CEP295: variants seen among roughly 807,000 people sequenced by gnomAD.
The protein encoded by CEP295 is centrosomal protein 295.
In CEP295, 190 loss-of-function variants were observed where a neutral mutation model predicts 291.6. The ratio of observed to expected loss-of-function variants is 0.65; its 90% CI spans 0.58 to 0.73. The LOEUF (loss-of-function observed/expected upper bound fraction) is 0.73. Among genes scored for constraint, CEP295 ranks in the 30% least tolerant of loss-of-function variants. The pLI is 0.00. For missense variants in CEP295, 2,863 were observed against 2,949.4 expected (o/e 0.97, Z 0.68); for synonymous variants, 993 against 1,038.8 (o/e 0.96, Z 0.85).
rs1953974740 is a variant in CEP295 at position 93,724,252 on chromosome 11, A to G, written c.6197-2A>G. On this transcript the variant is annotated splice_acceptor_variant, in intron 21 of 29. Coordinates refer to ENST00000325212, the MANE Select transcript of CEP295 (RefSeq NM_033395.2). LOFTEE classifies it high-confidence loss of function. ...TTCTAACAGTTGACCTTGACTTTCC[A>G]GAATTGGAACACATTTTTCCTAATT... is the stretch of plus-strand genomic sequence containing the variant. 6.5e-7 allele frequency: 1 copy of G among 1,544,460 alleles called. No individual in the cohort carries two copies. The highest frequency in any genetic ancestry group is 8.7e-7 in the Non-Finnish European group (1 of 1,145,162).
At chr11:93,719,764 A>C (rs548633163) in intron 18 of CEP295, 2 of 152,328 alleles carry the variant, frequency 1.3e-5, no homozygotes, top group South Asian at 4.1e-4. Context: ...CATTTAAGAA[A>C]TATACCTTTA....
intron 24 of CEP295, chr11:93,728,476 T>C (rs1441278882): frequency 4.4e-6 from 2 of 451,422 alleles, no homozygotes; most frequent in Admixed American, 4.1e-5. Context: ...CTCCCCAAAG[T>C]AGGCTCCAGT....
At position 93,706,830 on chromosome 11, in the gene CEP295, T is replaced by C. The variant is rs1952542109; in HGVS notation, c.5682T>C (p.His1894=). The change falls in exon 18 of 30, where the codon CAT becomes CAC. Residue 1894 remains histidine (H), a synonymous_variant. Transcript: ENST00000325212. ...EQSFFGSPLA[H]DPFSCLQLVG... Reference sequence around the variant, plus strand: ...GTTTCTTTGGGAGCCCACTGGCCCATGATCCGTTTAGTTGTCTTCAACTGG... The same window carrying C: ...GTTTCTTTGGGAGCCCACTGGCCCACGATCCGTTTAGTTGTCTTCAACTGG... The C allele has an allele frequency of 6.4e-7, 1 of 1,550,696 alleles. No individual in the cohort carries two copies. Among genetic ancestry groups the C allele is most frequent in the East Asian group, 2.4e-5 (1 of 40,882 alleles).
intron 18 of CEP295, among the ~76,000 whole-genome samples, chr11:93,717,866 G>A (rs1953386167): frequency 2.0e-5 from 3 of 152,096 alleles, no homozygotes; most frequent in African/African-American, 7.2e-5. Context: ...ACCAGGGACG[G>A]CTTTTCTCTT....
intron 12 of CEP295, among the ~76,000 whole-genome samples, chr11:93,693,210 G>A (rs1951676934): frequency 6.6e-6 from 1 of 150,762 alleles, no homozygotes; most frequent in South Asian, 2.1e-4. Flanking sequence ...CCGGGAGACA[G>A]AGCTTGCAGT....
At chr11:93,661,935 C>T (rs1950005551) in intron 1 of CEP295, among the ~76,000 whole-genome samples, 161 bp downstream of exon 1, 1 of 152,208 alleles carries the variant, frequency 6.6e-6, no homozygotes, top group Non-Finnish European at 1.5e-5. Flanking sequence ...GGCCGTGGGC[C>T]CTGCCCGCGG....
chr11:93,673,952 C>CTTTTTTTTTTTTT (rs747193330), intron 5 of CEP295, among the ~76,000 whole-genome samples: 2 of 137,866 alleles, frequency 1.5e-5, no homozygotes, highest in Non-Finnish European at 1.6e-5. Context: ...ATCCCCCCTT[C>CTTTTTTTTTTTTT]TTTTTTTTTT....
At chr11:93,687,012 C>T (rs992123458) in intron 9 of CEP295, among the ~76,000 whole-genome samples, 1 of 152,108 alleles carries the variant, frequency 6.6e-6, no homozygotes, top group African/African-American at 2.4e-5. Context: ...GAGAACTGTT[C>T]GTATTATACT....
Position 93,698,212 on chromosome 11 carries a change from A to G in CEP295, c.3300A>G (p.Ser1100=), listed in dbSNP as rs776856261. Residue 1100 remains serine, a synonymous_variant, in exon 15 of 30, where the codon TCA becomes TCG. Coordinates refer to ENST00000325212, the MANE Select transcript of CEP295 (RefSeq NM_033395.2). ...GDSKSGLVSS[S]SSPVVVQHSV... ...GTAAGTCTGGGCTGGTGAGCTCTTC[A>G]TCCTCACCAGTGGTTGTTCAGCATT... The G allele has an allele frequency of 1.5e-5, 24 of 1,551,890 alleles. No individual in the cohort carries two copies. Among genetic ancestry groups the G allele is most frequent in the Non-Finnish European group, 2.1e-5 (24 of 1,146,994 alleles).
chr11:93,687,182 T>G (rs1951285488), intron 9 of CEP295, among the ~76,000 whole-genome samples: 1 of 152,198 alleles, frequency 6.6e-6, no homozygotes, highest in Admixed American at 6.5e-5. Flanking sequence ...AGCAGTTGAT[T>G]TGCTTTTATG....
At chr11:93,685,403 C>T (rs67182840) in intron 9 of CEP295, among the ~76,000 whole-genome samples, 13,408 of 152,208 alleles carry the variant, frequency 0.088, 718 homozygotes, top group East Asian at 0.25. Context: ...ACACCGTGAA[C>T]GTAGCCTTTT....
chr11:93,694,442 T>G (rs1410152650), intron 12 of CEP295, among the ~76,000 whole-genome samples: 1 of 152,236 alleles, frequency 6.6e-6, no homozygotes, highest in African/African-American at 2.4e-5. Flanking sequence ...AATCAGCGTA[T>G]AATTTTTTTT....
chr11:93,678,219 G>A (rs1041857643), intron 6 of CEP295, among the ~76,000 whole-genome samples: 2 of 151,970 alleles, frequency 1.3e-5, no homozygotes, highest in African/African-American at 4.8e-5. Context: ...AAACCTCATG[G>A]CTGAAATGGA....
chr11:93,701,936 G>C (rs1003071341), intron 15 of CEP295, among the ~76,000 whole-genome samples: 1 of 151,558 alleles, frequency 6.6e-6, no homozygotes, highest in Admixed American at 6.6e-5. Context: ...GCTGTGAATG[G>C]TTGTTGTTTT....
chr11:93,669,644 G>T, intron 4 of CEP295, 33 bp from the exon 5 acceptor site: 1 of 1,346,982 alleles, frequency 7.4e-7, no homozygotes, highest in South Asian at 1.3e-5. Flanking sequence ...TTATCACTGA[G>T]AGATTAATTG....
chr11:93,692,058 T>G, intron 12 of CEP295, 28 bp downstream of exon 12: 10 of 1,252,626 alleles, frequency 8.0e-6, no homozygotes, highest in Non-Finnish European at 1.1e-5. Context: ...TTTTAAAGGT[T>G]TATTTTTCCC....
chr11:93,703,416 A>G (rs1952301206), intron 17 of CEP295, among the ~76,000 whole-genome samples: 1 of 152,092 alleles, frequency 6.6e-6, no homozygotes, highest in Non-Finnish European at 1.5e-5. Context: ...GAAATGTGGC[A>G]TTGGTAATAA....
In CEP295 at chr11:93,728,015, T is replaced by A. The variant is rs138515169; in HGVS notation, c.7161+378T>A. 4.5e-3 allele frequency: 769 copies of A among 172,314 alleles called. 10 individuals carry two copies. Among genetic ancestry groups the A allele is most frequent in the African/African-American group, 0.017 (708 of 41,886 alleles). 10.7% of individuals were successfully genotyped at this position (172,314 alleles called of 1,614,324 possible). A position where few individuals can be genotyped will look rare whatever the true frequency, so the allele number is the denominator to read the frequency against. On this transcript the variant is annotated intron_variant, in intron 24 of 29. Coordinates refer to ENST00000325212, the MANE Select transcript of CEP295 (RefSeq NM_033395.2). The stretch of plus-strand genomic sequence containing the variant: ...TTCCCTGAAAAATGGTGGTTCTGCC[T>A]GTGCTTCAGCACTTTCAGTGTTGAG...
In CEP295 at chr11:93,706,751, C is replaced by A; in HGVS notation, c.5603C>A (p.Pro1868Gln). The stretch of plus-strand genomic sequence containing the variant: ...AATATTTTTTCCCCCCCAGGTAAAC[C>A]AGGTATTTATGAAGACAGAGACCCC... ...AIGRTSILGKPGIYEDRDPLR... is the reference protein window; with the variant it reads ...AIGRTSILGKQGIYEDRDPLR... The change falls in exon 18 of 30, where the codon CCA becomes CAA. Residue 1868 changes from proline to glutamine, a missense_variant. Transcript: ENST00000325212. 6.6e-7 allele frequency: 1 copy of A among 1,526,260 alleles called. No homozygotes were observed. The highest frequency in any genetic ancestry group is 8.8e-7 in the Non-Finnish European group (1 of 1,136,858). The allele number at this position is 1,526,260 out of a possible 1,614,324, so 94.5% of individuals were successfully genotyped here. A position where few individuals can be genotyped will look rare whatever the true frequency, so the allele number is the denominator to read the frequency against.
Sources: gnomAD v4.1 joint callset for allele counts (sites outside exome capture counted in the v4.1 genomes callset) on GRCh38, gnomAD v4.1.1 for gene constraint, MANE v1.5 for transcripts, NCBI Gene and HGNC (gene_info 2026-07-23, HGNC 2026-07-21) for gene names.